GALNTL6: variants seen among roughly 807,000 people sequenced by gnomAD.
GALNTL6 encodes the protein polypeptide N-acetylgalactosaminyltransferase like 6.
A neutral mutation model predicts 73.7 loss-of-function variants in GALNTL6; 46 were observed. The observed-to-expected ratio is 0.62, with a 90% CI of 0.49 to 0.80. The LOEUF (loss-of-function observed/expected upper bound fraction) is 0.80, where lower values mean the gene tolerates loss of function less well. Among genes scored for constraint, GALNTL6 ranks in the 30% least tolerant of loss-of-function variants. GALNTL6 has a pLI of 0.00. For missense variants in GALNTL6, 604 were observed against 755.0 expected, an observed-to-expected ratio of 0.80 and a Z score of 2.34; for synonymous variants, 259 against 263.7, an observed-to-expected ratio of 0.98 and a Z score of 0.17.
chr4:172,227,692 C>T (rs1736915883), intron 2 of GALNTL6, among the ~76,000 whole-genome samples: 1 of 152,172 alleles, frequency 6.6e-6, no homozygotes, highest in African/African-American at 2.4e-5. Context: ...TATCTTCTTT[C>T]CTGATGCATC....
At chr4:172,542,497 A>G (rs1735595182) in intron 5 of GALNTL6, among the ~76,000 whole-genome samples, 1 of 152,076 alleles carries the variant, frequency 6.6e-6, no homozygotes, top group African/African-American at 2.4e-5. Flanking sequence ...CCATCTGCCT[A>G]AGTGATTTCT....
intron 10 of GALNTL6, among the ~76,000 whole-genome samples, chr4:172,981,655 T>C (rs1389543652): frequency 2.0e-5 from 3 of 152,220 alleles, no homozygotes; most frequent in Non-Finnish European, 4.4e-5. Context: ...TGTTCTTCCT[T>C]TTCAAGATTG....
At chr4:172,243,399 C>T (rs565744056) in intron 3 of GALNTL6, among the ~76,000 whole-genome samples, 8 of 152,174 alleles carry the variant, frequency 5.3e-5, no homozygotes, top group South Asian at 2.1e-4. Flanking sequence ...TATTTACACA[C>T]ATGTATTTAC....
chr4:172,866,191 A>G lies in GALNTL6; in HGVS notation c.924-16599A>G, dbSNP rs118014385. Among the ~76,000 whole-genome samples the G allele has an allele frequency of 3.4e-3, 513 of 152,270 alleles. 7 individuals are homozygous for G. The highest frequency in any genetic ancestry group is 0.029 in the East Asian group (150 of 5,172). On this transcript the variant is annotated intron_variant, in intron 7 of 12. Coordinates refer to ENST00000506823, the MANE Select transcript of GALNTL6 (RefSeq NM_001034845.3). Reference sequence around the variant, plus strand: ...TTGAATCCCAAATGTCTCCCTACATAGCCTCTCTAAAATAGAAATCTGATT... The same window carrying G: ...TTGAATCCCAAATGTCTCCCTACATGGCCTCTCTAAAATAGAAATCTGATT...
intron 2 of GALNTL6, among the ~76,000 whole-genome samples, chr4:172,015,308 G>A (rs1447871769): frequency 2.0e-5 from 3 of 151,968 alleles, no homozygotes; most frequent in African/African-American, 7.2e-5. Flanking sequence ...ATTATATAAT[G>A]TCCTTCTTTC....
At chr4:172,633,673 G>A (rs1460514246) in intron 5 of GALNTL6, among the ~76,000 whole-genome samples, 2 of 152,150 alleles carry the variant, frequency 1.3e-5, no homozygotes, top group East Asian at 3.9e-4. Flanking sequence ...CGAATGTGAG[G>A]ACCTGAGATC....
At chr4:171,965,907 T>C (rs536386137) in intron 2 of GALNTL6, among the ~76,000 whole-genome samples, 5 of 152,336 alleles carry the variant, frequency 3.3e-5, no homozygotes, top group Non-Finnish European at 5.9e-5. Context: ...AGAATTCATA[T>C]GTCTAAAACC....
At chr4:172,176,446 G>A (rs569961136) in intron 2 of GALNTL6, among the ~76,000 whole-genome samples, 3 of 149,822 alleles carry the variant, frequency 2.0e-5, no homozygotes, top group South Asian at 4.3e-4. Flanking sequence ...TGAAAAATAA[G>A]TGAAGACTTT....
rs367857178 is a variant in GALNTL6, at chr4:172,982,645, T to C, written c.1372-26533T>C. 3.9e-5 allele frequency among the ~76,000 whole-genome samples: 6 copies of C among 152,158 alleles called. No homozygotes were observed. In the South Asian group the frequency reaches 8.3e-4, roughly 21 times the overall value. On this transcript the variant is annotated intron_variant, in intron 10 of 12. Coordinates refer to ENST00000506823, the MANE Select transcript of GALNTL6 (RefSeq NM_001034845.3). ...CTACTGACTCACTATAAATTACCTA[T>C]GTATTGTCTAGCAGGTTGAATGGCA...
intron 5 of GALNTL6, among the ~76,000 whole-genome samples, chr4:172,779,552 G>C (rs1260726826): frequency 6.6e-6 from 1 of 152,190 alleles, no homozygotes; most frequent in East Asian, 1.9e-4. Context: ...CCATTCAAAC[G>C]TCCCTTTCTC....
intron 2 of GALNTL6, among the ~76,000 whole-genome samples, chr4:172,078,243 C>T (rs979923621): frequency 9.9e-5 from 15 of 152,130 alleles, no homozygotes; most frequent in African/African-American, 1.7e-4. Context: ...TTGCTATTCT[C>T]GTGATAGTGA....
chr4:172,669,169 G>A (rs1284859999), intron 5 of GALNTL6: 2 of 152,106 alleles, frequency 1.3e-5, no homozygotes, highest in Admixed American at 1.3e-4. Context: ...TGTAATAGTT[G>A]TGTTTTATGA....
At chr4:172,565,434 C>G (rs1274101992) in intron 5 of GALNTL6, among the ~76,000 whole-genome samples, 1 of 152,172 alleles carries the variant, frequency 6.6e-6, no homozygotes, top group Admixed American at 6.5e-5. Flanking sequence ...AAACTCATGT[C>G]TCATTGATAA....
At chr4:172,423,018 C>A (rs1002602790) in intron 5 of GALNTL6, among the ~76,000 whole-genome samples, 2 of 151,626 alleles carry the variant, frequency 1.3e-5, no homozygotes, top group Admixed American at 6.6e-5. Context: ...TATACCTATA[C>A]CTGTAGAAAT....
chr4:172,718,270 T>G (rs1646368859), intron 5 of GALNTL6, among the ~76,000 whole-genome samples: 1 of 152,192 alleles, frequency 6.6e-6, no homozygotes, highest in Admixed American at 6.5e-5. Flanking sequence ...TCCTGATTTA[T>G]ATCATGTCAT....
intron 4 of GALNTL6, among the ~76,000 whole-genome samples, chr4:172,341,408 G>T (rs1003921456): frequency 1.7e-4 from 22 of 132,508 alleles, no homozygotes; most frequent in African/African-American, 6.1e-4. Flanking sequence ...CCGAGATCCC[G>T]CCACTGCACT....
intron 5 of GALNTL6, among the ~76,000 whole-genome samples, chr4:172,693,364 T>C (rs548653119): frequency 6.6e-6 from 1 of 152,302 alleles, no homozygotes; most frequent in South Asian, 2.1e-4. Context: ...TGCTAATCCC[T>C]GAGTTTACCC....
At chr4:172,978,368 G>A (rs1750923346) in intron 10 of GALNTL6, among the ~76,000 whole-genome samples, 1 of 152,214 alleles carries the variant, frequency 6.6e-6, no homozygotes, top group African/African-American at 2.4e-5. Flanking sequence ...CTCTAATGAG[G>A]ATGAGCTGCT....
intron 5 of GALNTL6, among the ~76,000 whole-genome samples, chr4:172,606,783 C>T (rs1318751865): frequency 6.7e-6 from 1 of 149,312 alleles, no homozygotes; most frequent in Non-Finnish European, 1.5e-5. Context: ...AACTAATTGG[C>T]AATCTTGCTG....
Sources: gnomAD v4.1 joint callset for allele counts (sites outside exome capture counted in the v4.1 genomes callset) on GRCh38, gnomAD v4.1.1 for gene constraint, MANE v1.5 for transcripts, NCBI Gene and HGNC (gene_info 2026-07-23, HGNC 2026-07-21) for gene names.